DMD: variants seen among roughly 807,000 people sequenced by gnomAD.
DMD encodes the protein mutant dystrophin.
In DMD, 63 loss-of-function variants were observed where a neutral mutation model predicts 330.1. The observed-to-expected ratio is 0.19, with a 90% CI of 0.16 to 0.24. DMD has a LOEUF of 0.24. Ranked by LOEUF, DMD falls within the 10% of genes least tolerant of loss-of-function variation. The probability of loss-of-function intolerance (pLI) is 1.00; values close to 1 mark genes in which losing one functional copy is unlikely to be tolerated. For missense variants in DMD, 3,344 were observed against 2,684.1 expected (o/e 1.25, Z -5.43); for synonymous variants, 1,223 against 959.8 (o/e 1.27, Z -5.07).
At chrX:32,130,838 C>T (rs192006259) in intron 44 of DMD, among the ~76,000 whole-genome samples, 21 of 112,252 alleles carry the variant, frequency 1.9e-4, no homozygotes, top group Middle Eastern at 4.7e-3. Flanking sequence ...CAGTTACACT[C>T]TACCACACTG....
chrX:31,664,673 T>TTG (rs1312452935), intron 53 of DMD, among the ~76,000 whole-genome samples: 7 of 106,272 alleles, frequency 6.6e-5, no homozygotes, highest in Non-Finnish European at 1.2e-4. Context: ...AGTTTTTTTT[T>TTG]TTTTTTTTTT....
chrX:32,288,564 C>T (rs1569556018), intron 42 of DMD, among the ~76,000 whole-genome samples: 1 of 111,847 alleles, frequency 8.9e-6, no homozygotes, highest in Non-Finnish European at 1.9e-5. Flanking sequence ...ATTCTCCACA[C>T]AAGAGCCGAA....
At chrX:32,532,362 C>G (rs1419849345) in intron 17 of DMD, among the ~76,000 whole-genome samples, 3 of 111,742 alleles carry the variant, frequency 2.7e-5, no homozygotes, top group Non-Finnish European at 5.6e-5. Flanking sequence ...GAGTCCCAGT[C>G]AAGCATTTTA....
intron 59 of DMD, among the ~76,000 whole-genome samples, chrX:31,470,366 G>A (rs778127108): frequency 9.0e-6 from 1 of 111,643 alleles, no homozygotes; most frequent in South Asian, 3.8e-4. Flanking sequence ...TTGTGTGGAC[G>A]TCCTTTTTGT....
chrX:32,580,965 T>G (rs960189088), intron 13 of DMD, among the ~76,000 whole-genome samples: 1 of 110,680 alleles, frequency 9.0e-6, no homozygotes, highest in African/African-American at 3.3e-5. Context: ...TAGCTGGGAT[T>G]ACAGGTGTGA....
chrX:31,261,282 G>A (rs2147654125), intron 62 of DMD: 1 of 333,862 alleles, frequency 3.0e-6, no homozygotes, highest in Non-Finnish European at 5.3e-6. Flanking sequence ...CAAATCGATC[G>A]CACTTCAGTT....
chrX:33,317,542 T>C (rs1569559880), intron 1 of DMD, among the ~76,000 whole-genome samples: 2 of 111,514 alleles, frequency 1.8e-5, no homozygotes, highest in African/African-American at 6.5e-5. Flanking sequence ...CTATAAAAAC[T>C]TACAATGCAT....
intron 43 of DMD, among the ~76,000 whole-genome samples, chrX:32,252,182 G>A (rs1056279364): frequency 1.8e-5 from 2 of 109,696 alleles, no homozygotes; most frequent in African/African-American, 3.3e-5. Flanking sequence ...TTAGAATTTC[G>A]AACATTCCAA....
intron 55 of DMD, among the ~76,000 whole-genome samples, chrX:31,511,958 G>A (rs375924937): frequency 5.3e-4 from 57 of 108,478 alleles, no homozygotes; most frequent in Non-Finnish European, 8.2e-4. Context: ...CAACAGTGTA[G>A]AAGTGTTCCT....
chrX:32,424,792 T>TAAA (rs201484279), intron 29 of DMD, among the ~76,000 whole-genome samples: 77 of 90,938 alleles, frequency 8.5e-4, no homozygotes, highest in African/African-American at 2.9e-3. Flanking sequence ...AGAGAGATTG[T>TAAA]AAAAAAAAAA....
chrX:32,374,463 C>T (rs765743865), intron 34 of DMD, among the ~76,000 whole-genome samples: 5 of 111,606 alleles, frequency 4.5e-5, no homozygotes, highest in Admixed American at 2.9e-4. Context: ...TTTAATCCAT[C>T]TTGAGTTAAT....
At chrX:33,163,636 C>CTATGTATCTATG (rs1330495514) in intron 1 of DMD, among the ~76,000 whole-genome samples, 19 of 103,825 alleles carry the variant, frequency 1.8e-4, no homozygotes, top group South Asian at 4.2e-4. Context: ...ATCTATCTAT[C>CTATGTATCTATG]TATCTATCTA....
intron 48 of DMD, among the ~76,000 whole-genome samples, chrX:31,847,879 C>T (rs2093454824): frequency 8.9e-6 from 1 of 111,853 alleles, no homozygotes; most frequent in South Asian, 3.7e-4. Flanking sequence ...ACATACACTC[C>T]TACAAAGAAA....
At chrX:33,309,650 T>C (rs966815906) in intron 1 of DMD, among the ~76,000 whole-genome samples, 1 of 110,925 alleles carries the variant, frequency 9.0e-6, no homozygotes, top group Non-Finnish European at 1.9e-5. Flanking sequence ...ACTTAAAAAA[T>C]AATAAAGGTG....
At chrX:32,782,312 G>A (rs1317841473) in intron 7 of DMD, among the ~76,000 whole-genome samples, 1 of 111,406 alleles carries the variant, frequency 9.0e-6, no homozygotes, top group Admixed American at 9.6e-5. Flanking sequence ...AAAAAACTAA[G>A]AATAGTTTCA....
intron 67 of DMD, among the ~76,000 whole-genome samples, chrX:31,193,860 C>T (rs185143307): frequency 9.0e-6 from 1 of 111,355 alleles, no homozygotes; most frequent in Admixed American, 9.5e-5. Context: ...GGACATTCTT[C>T]AAGAGAACTG....
chrX:31,342,038 A>G (rs772836595), intron 61 of DMD, among the ~76,000 whole-genome samples: 1 of 111,057 alleles, frequency 9.0e-6, no homozygotes, highest in East Asian at 2.8e-4. Context: ...ATACCAGTCA[A>G]AAATTGTTGG....
intron 41 of DMD, among the ~76,000 whole-genome samples, chrX:32,332,404 T>C (rs2097684835): frequency 1.7e-5 from 1 of 58,315 alleles, no homozygotes; most frequent in South Asian, 9.8e-4. Flanking sequence ...GAGGAAAGCA[T>C]GGATAAAAAG....
At chrX:32,865,453 G>C (rs2082406781) in intron 2 of DMD, among the ~76,000 whole-genome samples, 1 of 110,980 alleles carries the variant, frequency 9.0e-6, no homozygotes, top group Admixed American at 9.7e-5. Flanking sequence ...GTAAAGGGAA[G>C]ATAAAGTCAA....
Sources: allele counts gnomAD v4.1 joint callset (sites outside exome capture counted in the v4.1 genomes callset), GRCh38; gene constraint gnomAD v4.1.1; transcripts MANE v1.5; gene names NCBI Gene and HGNC (gene_info 2026-07-23, HGNC 2026-07-21).